The following CFAP299 variants were observed in gnomAD, a reference collection of about 807,000 sequenced individuals.
The protein encoded by CFAP299 is cilia and flagella associated protein 299, also known as cilia- and flagella-associated protein 299.
A neutral mutation model predicts 27.0 loss-of-function variants in CFAP299; 21 were observed. The ratio of observed to expected loss-of-function variants is 0.78; its 90% CI spans 0.55 to 1.12. The LOEUF (loss-of-function observed/expected upper bound fraction) is 1.12, where lower values mean the gene tolerates loss of function less well. Among genes scored for constraint, CFAP299 ranks in the 50% most tolerant of loss-of-function variants. CFAP299 has a pLI of 0.00. For missense variants in CFAP299, 310 were observed against 276.6 expected (o/e 1.12, Z -0.86); for synonymous variants, 104 against 98.1 (o/e 1.06, Z -0.36).
intron 2 of CFAP299, among the ~76,000 whole-genome samples, chr4:80,523,978 G>A (rs138893119): frequency 3.3e-5 from 5 of 152,130 alleles, no homozygotes; most frequent in Middle Eastern, 3.4e-3. Context: ...GCCACAGTGA[G>A]TTTTATAATA....
At chr4:80,499,347 C>T (rs1251703048) in intron 2 of CFAP299, among the ~76,000 whole-genome samples, 3 of 152,042 alleles carry the variant, frequency 2.0e-5, no homozygotes, top group South Asian at 2.1e-4. Flanking sequence ...TTGGATGCAT[C>T]GTGTTTAGTT....
At chr4:80,558,358 G>GTTTTTTTTTTT (rs1174909337) in intron 2 of CFAP299, among the ~76,000 whole-genome samples, 4 of 121,678 alleles carry the variant, frequency 3.3e-5, no homozygotes, top group South Asian at 2.3e-4. Flanking sequence ...TTGTTTGTTT[G>GTTTTTTTTTTT]TTTGTTTGTT....
In CFAP299 at chr4:80,655,064, C is replaced by T. The variant is rs138862481; in HGVS notation, c.333+71881C>T. On this transcript the variant is annotated intron_variant, in intron 3 of 5. Coordinates refer to ENST00000358105, the MANE Select transcript of CFAP299 (RefSeq NM_152770.3). The stretch of plus-strand genomic sequence containing the variant: ...AAGACATTAAGAGTGAATTCTAGGG[C>T]GATGCCAGTTAATTAATAATACTTA... 1.2e-3 allele frequency among the ~76,000 whole-genome samples: 184 copies of T among 152,084 alleles called. 1 individual carries two copies. Among genetic ancestry groups the T allele is most frequent in the Middle Eastern group, 3.4e-3 (1 of 294 alleles).
At chr4:80,958,466 A>G (rs1414507097) in intron 5 of CFAP299, among the ~76,000 whole-genome samples, 2 of 152,192 alleles carry the variant, frequency 1.3e-5, no homozygotes, top group East Asian at 3.9e-4. Context: ...AGAATTTCTG[A>G]GTCCTAGAGA....
At chr4:80,322,186 A>G in the CFAP299 span, among the ~76,000 whole-genome samples, 1 of 152,212 alleles carries the variant, frequency 6.6e-6, no homozygotes, top group African/African-American at 2.4e-5. Flanking sequence ...TTGCAATAAA[A>G]GGTTCCCATT....
At chr4:80,886,678 A>G (rs1010301855) in intron 4 of CFAP299, among the ~76,000 whole-genome samples, 4 of 152,132 alleles carry the variant, frequency 2.6e-5, no homozygotes, top group African/African-American at 9.7e-5. Context: ...GGCACTGATG[A>G]GCATCTACAA....
At chr4:80,636,275 C>A (rs901604087) in intron 3 of CFAP299, among the ~76,000 whole-genome samples, 2 of 152,046 alleles carry the variant, frequency 1.3e-5, no homozygotes, top group African/African-American at 2.4e-5. Context: ...TTTATTGTAT[C>A]CTCAGACCCT....
At chr4:80,668,246 A>G (rs1320445410) in intron 3 of CFAP299, among the ~76,000 whole-genome samples, 4 of 151,524 alleles carry the variant, frequency 2.6e-5, no homozygotes, top group Non-Finnish European at 4.4e-5. Flanking sequence ...ATTTTCTCCC[A>G]TTCTGTGGAT....
At chr4:80,953,452 G>A (rs1240514732) in intron 5 of CFAP299, among the ~76,000 whole-genome samples, 1 of 152,110 alleles carries the variant, frequency 6.6e-6, no homozygotes, top group Non-Finnish European at 1.5e-5. Flanking sequence ...TGAACTGAAA[G>A]CCCACCACAT....
At chr4:80,620,278 G>A (rs925071400) in intron 3 of CFAP299, among the ~76,000 whole-genome samples, 1 of 152,002 alleles carries the variant, frequency 6.6e-6, no homozygotes, top group Non-Finnish European at 1.5e-5. Flanking sequence ...CTTGCTTGTT[G>A]GTATATTAAG....
intron 3 of CFAP299, among the ~76,000 whole-genome samples, chr4:80,716,888 T>G (rs1335555351): frequency 1.3e-5 from 2 of 152,078 alleles, no homozygotes; most frequent in Non-Finnish European, 2.9e-5. Context: ...GCCCAGGAAT[T>G]GCAACCTACT....
At chr4:80,341,773 A>G (rs1372183119) in intron 1 of CFAP299, among the ~76,000 whole-genome samples, 1 of 152,240 alleles carries the variant, frequency 6.6e-6, no homozygotes, top group Non-Finnish European at 1.5e-5. Flanking sequence ...TTTCCTCCAA[A>G]TAACTGCAAC....
intron 3 of CFAP299, among the ~76,000 whole-genome samples, chr4:80,786,846 T>C (rs1727274128): frequency 1.3e-5 from 2 of 152,114 alleles, no homozygotes; most frequent in South Asian, 4.1e-4. Context: ...TACCAATGCT[T>C]AAATCTGGAT....
chr4:80,835,130 T>G (rs1219126308), intron 3 of CFAP299, among the ~76,000 whole-genome samples: 1 of 152,164 alleles, frequency 6.6e-6, no homozygotes, highest in East Asian at 1.9e-4. Flanking sequence ...TTTGTTTTGT[T>G]TTTTGAGATG....
chr4:80,586,294 A>G (rs959837415), intron 3 of CFAP299, among the ~76,000 whole-genome samples: 4 of 152,076 alleles, frequency 2.6e-5, no homozygotes, highest in African/African-American at 4.8e-5. Flanking sequence ...TAACTGCTAA[A>G]GCTATAATTG....
At chr4:80,479,760 T>C (rs928964894) in intron 2 of CFAP299, among the ~76,000 whole-genome samples, 11 of 152,144 alleles carry the variant, frequency 7.2e-5, no homozygotes, top group African/African-American at 2.4e-4. Flanking sequence ...AGAGCTACAT[T>C]ACTTTTGTCC....
chr4:80,522,300 T>G (rs1732960578), intron 2 of CFAP299, among the ~76,000 whole-genome samples: 1 of 152,078 alleles, frequency 6.6e-6, no homozygotes, highest in Non-Finnish European at 1.5e-5. Context: ...TTTATATGTC[T>G]TCTTTAGAGA....
intron 2 of CFAP299, among the ~76,000 whole-genome samples, chr4:80,422,212 C>G (rs1447703398): frequency 6.6e-6 from 1 of 152,116 alleles, no homozygotes; most frequent in Non-Finnish European, 1.5e-5. Context: ...CATAGTTCAG[C>G]TATTCACCAT....
chr4:80,963,616 C>G lies in CFAP299; in HGVS notation c.*4C>G. ...CATTTCCAGAAGGAAGACTTAAGTA[C>G]CAACATGTTAATTTCCTAATAATTT... On this transcript the variant is annotated 3_prime_UTR_variant, in exon 6 of 6. Transcript: ENST00000358105. 1 of 1,547,808 alleles carries G rather than the reference C, an allele frequency of 6.5e-7. No homozygotes were observed. The highest frequency in any genetic ancestry group is 1.1e-5 in the South Asian group (1 of 87,514).
Sources: allele counts gnomAD v4.1 joint callset (sites outside exome capture counted in the v4.1 genomes callset), GRCh38; gene constraint gnomAD v4.1.1; transcripts MANE v1.5; gene names NCBI Gene and HGNC (gene_info 2026-07-23, HGNC 2026-07-21).